STARD10: variants seen among roughly 807,000 people sequenced by gnomAD.
The protein encoded by STARD10 is START domain-containing protein 10.
Under a neutral mutation model 36.0 loss-of-function variants are expected in STARD10, and 24 were observed. The observed-to-expected ratio is 0.67, with a 90% CI of 0.48 to 0.94. STARD10 has a LOEUF of 0.94. Ranked by LOEUF, STARD10 falls within the 40% of genes least tolerant of loss-of-function variation. STARD10 has a pLI of 0.00. For synonymous variants in STARD10, 156 were observed against 161.9 expected (o/e 0.96, Z 0.28); for missense variants, 335 against 396.6 (o/e 0.84, Z 1.32).
intron 5 of STARD10, among the ~76,000 whole-genome samples, chr11:72,756,136 C>G (rs1030621570): frequency 3.9e-5 from 6 of 152,294 alleles, no homozygotes; most frequent in Non-Finnish European, 8.8e-5. Context: ...CGCTCAGCCC[C>G]TCCCCTGCCT....
chr11:72,773,061 G>A (rs866950163), intron 2 of STARD10, among the ~76,000 whole-genome samples: 38 of 152,236 alleles, frequency 2.5e-4, no homozygotes, highest in Middle Eastern at 3.2e-3. Context: ...GGATGGGTGG[G>A]AGGCATGAGA....
rs577853154 is a variant in STARD10, at chr11:72,756,513, G to A, written c.578-760C>T. On this transcript the variant is annotated intron_variant, in intron 5 of 6. Coordinates refer to ENST00000334805, the MANE Select transcript of STARD10 (RefSeq NM_006645.3). The stretch of plus-strand genomic sequence containing the variant: ...TTCTACTAGAGGGGAATGGACTACA[G>A]AACAGGGAGCCAGTGACTCCCCTGA... Among the ~76,000 whole-genome samples the A allele has an allele frequency of 3.0e-4, 45 of 152,238 alleles. 1 individual carries two copies. In the South Asian group the frequency reaches 8.9e-3, roughly 30 times the overall value.
At chr11:72,792,064 T>C (rs796701492) in intron 1 of STARD10, among the ~76,000 whole-genome samples, 5 of 143,630 alleles carry the variant, frequency 3.5e-5, no homozygotes, top group African/African-American at 1.3e-4. Context: ...TTTTTTTTTT[T>C]TTTGAGACAG....
At chr11:72,769,850 C>G (rs765521998) in intron 2 of STARD10, among the ~76,000 whole-genome samples, 1 of 152,206 alleles carries the variant, frequency 6.6e-6, no homozygotes, top group Non-Finnish European at 1.5e-5. Flanking sequence ...CTAATGATGA[C>G]GCACATCACA....
In STARD10 at chr11:72,781,850, G is replaced by GGGCTCGGC. The variant is rs1205245409; in HGVS notation, c.-113-564_-113-557dup. ...CTAGGCTGGGGGCTCGGGGGCTCGG[G>GGGCTCGGC]GGCTCGGCGGCCGCGGCTCGGGATT... On this transcript the variant is annotated intron_variant, in intron 1 of 6. Transcript: ENST00000334805. This position sits in a 1 kb window ranked among gnomAD's most constrained non-coding sequence, Gnocchi z 4.7. The GGGCTCGGC allele has an allele frequency of 2.6e-5, 3 of 113,686 alleles. No homozygotes were observed. The highest frequency in any genetic ancestry group is 5.8e-5 in the Non-Finnish European group (3 of 51,658). 7.0% of individuals were successfully genotyped at this position (113,686 alleles called of 1,614,324 possible). A position where few individuals can be genotyped will look rare whatever the true frequency, so the allele number is the denominator to read the frequency against.
At position 72,759,356 on chromosome 11, in the gene STARD10, G is replaced by A; in HGVS notation, c.233C>T (p.Pro78Leu). ...TAGGACGTCGTAGAGTGTCTCGGCTGGCACATCACAGCACTCCATCCGGCA... is the reference window on the plus strand; with the variant it reads ...TAGGACGTCGTAGAGTGTCTCGGCTAGCACATCACAGCACTCCATCCGGCA... ...IKCRMECCDV[P>L]AETLYDVLHD... The change falls in exon 3 of 7, where the codon CCA becomes CTA. Residue 78 changes from proline (P) to leucine (L), a missense_variant. Pro to Leu is a moderately conservative substitution (Grantham distance 98). Transcript: ENST00000334805. The A allele has an allele frequency of 6.2e-7, 1 of 1,613,502 alleles. No homozygotes were observed. Among genetic ancestry groups the A allele is most frequent in the Non-Finnish European group, 8.5e-7 (1 of 1,179,814 alleles).
rs1391210979 is a variant in STARD10 at position 72,781,911 on chromosome 11, A to AGCCCCGCCCC, written c.-113-627_-113-618dup. 1 of 149,978 alleles carries AGCCCCGCCCC rather than the reference A, an allele frequency of 6.7e-6. No individual in the cohort carries two copies. The highest frequency in any genetic ancestry group is 2.5e-5 in the African/African-American group (1 of 40,550). The allele number at this position is 149,978 out of a possible 1,614,324, so 9.3% of individuals were successfully genotyped here. A position where few individuals can be genotyped will look rare whatever the true frequency, so the allele number is the denominator to read the frequency against. ...CGGAGGTGAAGCTGACGGATCTCCG[A>AGCCCCGCCCC]GCCCCGCCCCGCCCCACCCCGCAGG... On this transcript the variant is annotated intron_variant, in intron 1 of 6. Coordinates refer to ENST00000334805, the MANE Select transcript of STARD10 (RefSeq NM_006645.3). The surrounding 1 kb of genome is among the most constrained non-coding windows in gnomAD (Gnocchi z 4.7).
rs370745992 is a variant in STARD10, at chr11:72,755,674, C to G, written c.630+27G>C. On this transcript the variant is annotated intron_variant, in intron 6 of 6. Coordinates refer to ENST00000334805, the MANE Select transcript of STARD10 (RefSeq NM_006645.3). ...AGTCCTCTTTCCAGTCTTCAACACC[C>G]CTCCCCAAAATCCCAAGGCCACTCA... The G allele has an allele frequency of 1.1e-5, 17 of 1,612,980 alleles. No individual in the cohort carries two copies. The African/African-American group carries it at 1.9e-4, about 18-fold the overall frequency.
Position 72,781,902 on chromosome 11 carries a change from G to T in STARD10, c.-113-608C>A, listed in dbSNP as rs1314548379. 2.0e-5 allele frequency: 3 copies of T among 151,564 alleles called. No homozygotes were observed. The highest frequency in any genetic ancestry group is 4.8e-5 in the African/African-American group (2 of 41,326). The allele number at this position is 151,564 out of a possible 1,614,324, so 9.4% of individuals were successfully genotyped here. A position where few individuals can be genotyped will look rare whatever the true frequency, so the allele number is the denominator to read the frequency against. ...TCCAGGCTGCGGAGGTGAAGCTGACGGATCTCCGAGCCCCGCCCCGCCCCA... is the reference window on the plus strand; with the variant it reads ...TCCAGGCTGCGGAGGTGAAGCTGACTGATCTCCGAGCCCCGCCCCGCCCCA... On this transcript the variant is annotated intron_variant, in intron 1 of 6. Transcript: ENST00000334805. This position sits in a 1 kb window ranked among gnomAD's most constrained non-coding sequence, Gnocchi z 4.7.
At chr11:72,775,380 T>C (rs566199212) in intron 2 of STARD10, among the ~76,000 whole-genome samples, 1 of 152,258 alleles carries the variant, frequency 6.6e-6, no homozygotes, top group African/African-American at 2.4e-5. Flanking sequence ...CCAGAGCCTC[T>C]AAGACTCAAG....
Position 72,757,850 on chromosome 11 carries a change from A to G in STARD10, c.494T>C (p.Val165Ala). 1 of 1,614,198 alleles carries G rather than the reference A, an allele frequency of 6.2e-7. No individual in the cohort carries two copies. Among genetic ancestry groups the G allele is most frequent in the Non-Finnish European group, 8.5e-7 (1 of 1,180,010 alleles). The change falls in exon 5 of 7, where the codon GTG (valine) becomes GCG (alanine). Residue 165 changes from valine (V) to alanine (A), a missense_variant. Coordinates refer to ENST00000334805, the MANE Select transcript of STARD10 (RefSeq NM_006645.3). The stretch of plus-strand genomic sequence containing the variant: ...GATGAGGTAGCCCGTCTGGATGGAC[A>G]CAGCTCGGACCAAGTCTTTCCGAGG... Reference protein sequence around the residue: ...YPPRKDLVRAVSIQTGYLIQS... With the variant: ...YPPRKDLVRAASIQTGYLIQS...
chr11:72,779,525 T>C (rs1219692810), intron 2 of STARD10, among the ~76,000 whole-genome samples: 1 of 151,978 alleles, frequency 6.6e-6, no homozygotes, highest in Non-Finnish European at 1.5e-5. Flanking sequence ...GAGGTGGAGA[T>C]TGCAGTGAGC....
At chr11:72,780,455 G>C (rs934278374) in intron 2 of STARD10, 1 of 446,478 alleles carries the variant, frequency 2.2e-6, no homozygotes, top group Non-Finnish European at 4.5e-6. Context: ...AGGAGGCTAA[G>C]GGAGCAGCCA....
chr11:72,785,578 AAAAAAAAAAG>A (rs1334639088), intron 1 of STARD10, among the ~76,000 whole-genome samples: 802 of 70,600 alleles, frequency 0.011, 21 homozygotes, highest in Middle Eastern at 0.018. Context: ...AAAAAAAAAA[AAAAAAAAAAG>A]GGAATAAGAA....
At chr11:72,785,532 G>A (rs1859060088) in intron 1 of STARD10, among the ~76,000 whole-genome samples, 1 of 129,136 alleles carries the variant, frequency 7.7e-6, no homozygotes. Context: ...CTGCACTCCA[G>A]CCTGGGTGAC....
chr11:72,791,262 G>T (rs1859139898), intron 1 of STARD10, among the ~76,000 whole-genome samples: 1 of 152,056 alleles, frequency 6.6e-6, no homozygotes, highest in Non-Finnish European at 1.5e-5. Context: ...GGCAATCCTG[G>T]CTTCTATTTG....
At chr11:72,755,590 C>T (rs756792031) in intron 6 of STARD10, 111 bp downstream of exon 6, 10 of 1,272,578 alleles carry the variant, frequency 7.9e-6, no homozygotes, top group Middle Eastern at 1.9e-4. Context: ...GGATTACAGG[C>T]ATGAGCCACC....
intron 2 of STARD10, among the ~76,000 whole-genome samples, chr11:72,761,989 G>C (rs529208711): frequency 7.8e-6 from 1 of 127,580 alleles, no homozygotes; most frequent in East Asian, 2.6e-4. Flanking sequence ...GCAATGACAC[G>C]ATCTTGGCTC....
chr11:72,777,626 T>C (rs747372125), intron 2 of STARD10, among the ~76,000 whole-genome samples: 8 of 152,318 alleles, frequency 5.3e-5, no homozygotes, highest in Non-Finnish European at 1.2e-4. Flanking sequence ...GTCTGTCTCT[T>C]TTCCAGTATT....
Sources: allele counts gnomAD v4.1 joint callset (sites outside exome capture counted in the v4.1 genomes callset), GRCh38; gene constraint gnomAD v4.1.1; non-coding constraint Gnocchi (gnomAD v3.1); transcripts MANE v1.5; gene names NCBI Gene and HGNC (gene_info 2026-07-23, HGNC 2026-07-21).